Variants in SMOC1 observed in about 807,000 individuals in gnomAD.
The protein encoded by SMOC1 is SPARC-related modular calcium-binding protein 1.
Under a neutral mutation model 56.3 loss-of-function variants are expected in SMOC1, and 22 were observed. That is an observed-to-expected ratio of 0.39 (90% CI 0.28 to 0.56). SMOC1 has a LOEUF of 0.56. Ranked by LOEUF, SMOC1 falls within the 20% of genes least tolerant of loss-of-function variation. SMOC1 has a pLI of 0.61. For synonymous variants in SMOC1, 193 were observed against 215.0 expected, an observed-to-expected ratio of 0.90 and a Z score of 0.89; for missense variants, 509 against 565.4, an observed-to-expected ratio of 0.90 and a Z score of 1.01.
intron 3 of SMOC1, among the ~76,000 whole-genome samples, chr14:69,969,001 A>C (rs1245381045): frequency 6.6e-6 from 1 of 152,268 alleles, no homozygotes; most frequent in Non-Finnish European, 1.5e-5. Flanking sequence ...CTTAGCAAAT[A>C]CATAGCTTGA....
Position 69,953,514 on chromosome 14 carries a change from G to A in SMOC1, c.360G>A (p.Glu120=), listed in dbSNP as rs752262272. The A allele has an allele frequency of 4.9e-5, 79 of 1,614,100 alleles. No individual in the cohort carries two copies. The highest frequency in any genetic ancestry group is 6.3e-5 in the Non-Finnish European group (74 of 1,180,024). Reference sequence around the variant, plus strand: ...CTGTGTTTGTCCCAGAGTGTGGCGAGGATGGCTCCTTTACCCAGGTGAGGC... The same window carrying A: ...CTGTGTTTGTCCCAGAGTGTGGCGAAGATGGCTCCTTTACCCAGGTGAGGC... ...QEAVFVPECG[E]DGSFTQVQCH... Residue 120 remains glutamate (E), a synonymous_variant, in exon 3 of 12, where the codon GAG becomes GAA. Coordinates refer to ENST00000361956, the MANE Select transcript of SMOC1 (RefSeq NM_001034852.3).
In SMOC1 at chr14:69,932,388, C is replaced by T. The variant is rs774106553; in HGVS notation, c.100-19750C>T. ...GGGGCCTTCCGGGACTTTACTACCA[C>T]GCCACCCTCAGCCCCACATGCCTCC... On this transcript the variant is annotated intron_variant, in intron 1 of 11. Transcript: ENST00000361956. Among the ~76,000 whole-genome samples the T allele has an allele frequency of 7.5e-4, 114 of 152,324 alleles. No individual in the cohort carries two copies. The Middle Eastern group carries it at 0.01, about 14-fold the overall frequency.
rs139996074 is a variant in SMOC1 at position 69,961,140 on chromosome 14, T to C, written c.378+7608T>C. Reference sequence around the variant, plus strand: ...TGATTTGCTTATTCTGGACATTTCATACAAATGGAATAATAATATGTGGTC... The same window carrying C: ...TGATTTGCTTATTCTGGACATTTCACACAAATGGAATAATAATATGTGGTC... On this transcript the variant is annotated intron_variant, in intron 3 of 11. Coordinates refer to ENST00000361956, the MANE Select transcript of SMOC1 (RefSeq NM_001034852.3). Among the ~76,000 whole-genome samples, 1,304 of 151,860 alleles carry C rather than the reference T, an allele frequency of 8.6e-3. 24 individuals carry two copies. The highest frequency in any genetic ancestry group is 0.03 in the African/African-American group (1,243 of 41,416).
intron 5 of SMOC1, among the ~76,000 whole-genome samples, chr14:69,985,331 T>C (rs1005462509): frequency 2.0e-5 from 3 of 152,328 alleles, no homozygotes; most frequent in Admixed American, 6.5e-5. Flanking sequence ...AAAAATACTT[T>C]GGAAGTTTCT....
At chr14:70,027,529 C>G (rs1244133472) in intron 11 of SMOC1, among the ~76,000 whole-genome samples, 2 of 152,098 alleles carry the variant, frequency 1.3e-5, no homozygotes, top group Non-Finnish European at 2.9e-5. Context: ...GGATGACGGA[C>G]CACTATTGAG....
Position 70,011,361 on chromosome 14 carries a change from A to G in SMOC1, c.858-124A>G, listed in dbSNP as rs1171206420. ...GTAGCTGCCGGGCAGCGCAAGAGAT[A>G]TCGTTCTGCCCACCCTCAGTGCTTT... On this transcript the variant is annotated intron_variant, in intron 8 of 11. Coordinates refer to ENST00000361956, the MANE Select transcript of SMOC1 (RefSeq NM_001034852.3). 2.0e-5 allele frequency: 18 copies of G among 896,532 alleles called. No individual in the cohort carries two copies. In the African/African-American group the frequency reaches 2.5e-4, roughly 12 times the overall value. The allele number at this position is 896,532 out of a possible 1,614,324, so 55.5% of individuals were successfully genotyped here.
chr14:69,912,687 A>G (rs1435527772), intron 1 of SMOC1, among the ~76,000 whole-genome samples: 1 of 152,218 alleles, frequency 6.6e-6, no homozygotes, highest in Non-Finnish European at 1.5e-5. Flanking sequence ...TCAAGGTCAC[A>G]AGATGGTTGC....
chr14:69,889,780 T>C (rs1248572907), intron 1 of SMOC1, among the ~76,000 whole-genome samples: 1 of 152,200 alleles, frequency 6.6e-6, no homozygotes, highest in African/African-American at 2.4e-5. Context: ...TCTATTTTCT[T>C]GCCTTTTCCA....
intron 1 of SMOC1, among the ~76,000 whole-genome samples, chr14:69,899,040 C>T (rs963115382): frequency 1.3e-5 from 2 of 152,072 alleles, no homozygotes; most frequent in African/African-American, 4.8e-5. Flanking sequence ...CTCAGTGTTT[C>T]CCCCTACCTT....
chr14:70,021,363 G>A (rs1195610409), intron 10 of SMOC1, among the ~76,000 whole-genome samples: 1 of 152,194 alleles, frequency 6.6e-6, no homozygotes, highest in Non-Finnish European at 1.5e-5. Flanking sequence ...AATATTGCAG[G>A]TAAAATAGGG....
At chr14:69,991,154 G>C (rs548164202) in intron 5 of SMOC1, among the ~76,000 whole-genome samples, 7 of 152,250 alleles carry the variant, frequency 4.6e-5, no homozygotes, top group South Asian at 2.1e-4. Context: ...AATAGTTAAT[G>C]CTCAGAGAAT....
chr14:69,913,154 C>G (rs1884598779), intron 1 of SMOC1, among the ~76,000 whole-genome samples: 1 of 152,164 alleles, frequency 6.6e-6, no homozygotes, highest in Admixed American at 6.5e-5. Flanking sequence ...CCTTTGGCAC[C>G]TTGATTGTGT....
At chr14:69,945,598 A>G (rs1215671692) in intron 1 of SMOC1, among the ~76,000 whole-genome samples, 1 of 152,246 alleles carries the variant, frequency 6.6e-6, no homozygotes, top group Non-Finnish European at 1.5e-5. Context: ...AACCCACATA[A>G]TTATGAAAAA....
chr14:69,987,733 A>G (rs1474513275), intron 5 of SMOC1, among the ~76,000 whole-genome samples: 1 of 152,198 alleles, frequency 6.6e-6, no homozygotes, highest in Non-Finnish European at 1.5e-5. Context: ...GCGAATGTCA[A>G]TCAGGAATCA....
intron 10 of SMOC1, among the ~76,000 whole-genome samples, chr14:70,015,126 G>T (rs1057213601): frequency 2.6e-5 from 4 of 152,208 alleles, no homozygotes; most frequent in Admixed American, 2.0e-4. Flanking sequence ...GTAATATTCA[G>T]TCTTAAAAGA....
rs567531564 is a variant in SMOC1 at position 69,945,939 on chromosome 14, A to C, written c.100-6199A>C. Among the ~76,000 whole-genome samples the C allele has an allele frequency of 6.6e-5, 10 of 152,344 alleles. No homozygotes were observed. In the East Asian group the frequency reaches 1.9e-3, roughly 29 times the overall value. On this transcript the variant is annotated intron_variant, in intron 1 of 11. Coordinates refer to ENST00000361956, the MANE Select transcript of SMOC1 (RefSeq NM_001034852.3). ...CATATTACCAGAAAAATACCTGTTT[A>C]GATTTTAGATATTGGTTAAGTCAGC... is the stretch of plus-strand genomic sequence containing the variant.
intron 1 of SMOC1, among the ~76,000 whole-genome samples, chr14:69,898,693 T>C (rs1400665318): frequency 2.6e-5 from 4 of 152,198 alleles, no homozygotes; most frequent in Non-Finnish European, 1.5e-5. Flanking sequence ...TTGTATGTTG[T>C]TTACGTTTTC....
chr14:69,913,370 GT>G (rs1245760223), intron 1 of SMOC1, among the ~76,000 whole-genome samples: 1 of 152,126 alleles, frequency 6.6e-6, no homozygotes, highest in Non-Finnish European at 1.5e-5. Context: ...ATGATTGGAT[GT>G]TTCAGGGAAC....
chr14:69,917,248 G>A (rs952693842), intron 1 of SMOC1, among the ~76,000 whole-genome samples: 5 of 152,210 alleles, frequency 3.3e-5, no homozygotes, highest in Admixed American at 6.5e-5. Context: ...TGAAGGAAGG[G>A]TAGTAAGATA....
Sources: gnomAD v4.1 joint callset for allele counts (sites outside exome capture counted in the v4.1 genomes callset) on GRCh38, gnomAD v4.1.1 for gene constraint, MANE v1.5 for transcripts, NCBI Gene and HGNC (gene_info 2026-07-23, HGNC 2026-07-21) for gene names.